The following EIF5B variants were observed in gnomAD, a reference collection of about 807,000 sequenced individuals.
EIF5B encodes the protein eIF-5B.
In EIF5B, 47 loss-of-function variants were observed where a neutral mutation model predicts 147.5. The observed-to-expected ratio is 0.32, with a 90% CI of 0.25 to 0.41. The LOEUF is 0.41. EIF5B is among the 10% of genes least tolerant of loss of function. EIF5B has a pLI of 1.00. For synonymous variants in EIF5B, 455 were observed against 456.2 expected (o/e 1.00, Z 0.03); for missense variants, 1,064 against 1,413.2 (o/e 0.75, Z 3.96).
At chr2:99,373,312 A>C (rs1221500716) in intron 9 of EIF5B, among the ~76,000 whole-genome samples, 1 of 152,154 alleles carries the variant, frequency 6.6e-6, no homozygotes, top group African/African-American at 2.4e-5. Context: ...GAGGCTGGGA[A>C]GTCCAAGATC....
intron 1 of EIF5B, among the ~76,000 whole-genome samples, chr2:99,349,947 TC>T (rs1360439837): frequency 6.6e-6 from 1 of 152,186 alleles, no homozygotes; most frequent in African/African-American, 2.4e-5. Flanking sequence ...TCCCTCTCCT[TC>T]CTACTCTTCC....
At chr2:99,372,881 G>A (rs1000821898) in intron 9 of EIF5B, among the ~76,000 whole-genome samples, 6 of 151,944 alleles carry the variant, frequency 3.9e-5, no homozygotes, top group East Asian at 1.9e-4. Flanking sequence ...CTTTCATAGC[G>A]TTCTGAGGGT....
chr2:99,346,773 C>A (rs547655841), intron 1 of EIF5B, among the ~76,000 whole-genome samples: 2 of 150,986 alleles, frequency 1.3e-5, no homozygotes, highest in African/African-American at 4.9e-5. Flanking sequence ...GGTTTCATCG[C>A]GTTAGCCAGG....
At chr2:99,388,012 T>C (rs1258641173) in intron 14 of EIF5B, among the ~76,000 whole-genome samples, 2 of 152,174 alleles carry the variant, frequency 1.3e-5, no homozygotes, top group Non-Finnish European at 2.9e-5. Context: ...TTTGTAGTTT[T>C]ATTGTCCACA....
At chr2:99,361,049 T>C in intron 3 of EIF5B, 99 bp from the exon 4 acceptor site, 1 of 1,136,616 alleles carries the variant, frequency 8.8e-7, no homozygotes, top group Admixed American at 3.5e-5. Context: ...GATTTTGAAA[T>C]CATTTTGAGA....
intron 9 of EIF5B, among the ~76,000 whole-genome samples, chr2:99,372,953 T>C (rs1283828890): frequency 6.6e-6 from 1 of 152,118 alleles, no homozygotes; most frequent in Non-Finnish European, 1.5e-5. Flanking sequence ...CTGGGACCAA[T>C]GCCTTAAAAT....
intron 14 of EIF5B, among the ~76,000 whole-genome samples, chr2:99,386,717 G>A (rs1044323438): frequency 6.6e-6 from 1 of 151,090 alleles, no homozygotes; most frequent in African/African-American, 2.4e-5. Context: ...CTGGGGGGCG[G>A]GGGGGCGGTG....
intron 1 of EIF5B, among the ~76,000 whole-genome samples, chr2:99,355,381 G>T (rs912968741): frequency 1.3e-5 from 2 of 151,962 alleles, no homozygotes; most frequent in African/African-American, 4.8e-5. Flanking sequence ...TCATTTTAGG[G>T]CTGATTGTCA....
intron 7 of EIF5B, 41 bp from the exon 8 acceptor site, chr2:99,369,351 C>T (rs762651773): frequency 8.6e-6 from 13 of 1,508,186 alleles, no homozygotes; most frequent in Non-Finnish European, 1.2e-5. Context: ...AGAAATTATA[C>T]ACCAAAAAAA....
At chr2:99,346,408 T>G (rs1419427400) in intron 1 of EIF5B, among the ~76,000 whole-genome samples, 1 of 152,060 alleles carries the variant, frequency 6.6e-6, no homozygotes, top group East Asian at 1.9e-4. Flanking sequence ...TTATTAGTAA[T>G]TATTAGTTTG....
At chr2:99,365,337 C>T (rs997633655) in intron 6 of EIF5B, among the ~76,000 whole-genome samples, 2 of 152,088 alleles carry the variant, frequency 1.3e-5, no homozygotes, top group Non-Finnish European at 2.9e-5. Flanking sequence ...TTACCCAAGG[C>T]CACAGAGCTG....
At chr2:99,389,469 C>T (rs1674878539) in intron 14 of EIF5B, 1 of 260,354 alleles carries the variant, frequency 3.8e-6, no homozygotes, top group Non-Finnish European at 7.2e-6. Context: ...TTATCTTTTG[C>T]AAACAAATGG....
rs563364989 is a variant in EIF5B, at chr2:99,396,843, C to T, written c.3338C>T (p.Thr1113Met). The T allele has an allele frequency of 1.4e-5, 22 of 1,612,804 alleles. No homozygotes were observed. The highest frequency in any genetic ancestry group is 1.7e-4 in the Middle Eastern group (1 of 6,052). Residue 1113 changes from threonine to methionine, a missense_variant, in exon 22 of 24, where the codon ACG becomes ATG. By Grantham distance (81) the Thr-to-Met change is moderately conservative. This residue lies in a region of EIF5B where 380 missense variants were observed against 715.6 expected (regional missense o/e 0.53). Transcript: ENST00000289371. ...CGAGATCCGATAGTGATGGGGGTGA[C>T]GGTGGAAGCAGGTCAGGTGAAACAG... ...NSRDPIVMGV[T>M]VEAGQVKQGT...
In EIF5B at chr2:99,390,628, C is replaced by G; in HGVS notation, c.2671C>G (p.Pro891Ala). 6.2e-7 allele frequency: 1 copy of G among 1,613,036 alleles called. No homozygotes were observed. The highest frequency in any genetic ancestry group is 8.5e-7 in the Non-Finnish European group (1 of 1,179,200). ...RLKEGDTIIV[P>A]GVEGPIVTQI... is the part of the protein sequence containing the mutation. ...GAAGGAAGGAGATACAATCATTGTT[C>G]CTGGAGTAGAAGGGCCCATTGTAAC... The change falls in exon 17 of 24, where the codon CCT becomes GCT. Residue 891 changes from proline to alanine, a missense_variant. Transcript: ENST00000289371.
intron 4 of EIF5B, among the ~76,000 whole-genome samples, chr2:99,363,194 A>T (rs1433312805): frequency 6.6e-6 from 1 of 152,124 alleles, no homozygotes; most frequent in Non-Finnish European, 1.5e-5. Context: ...TCCTACTAAT[A>T]CCCCCTAAAG....
At chr2:99,379,227 C>T (rs1022393796) in intron 11 of EIF5B, 91 bp from the exon 12 acceptor site, 5 of 1,417,884 alleles carry the variant, frequency 3.5e-6, no homozygotes, top group Non-Finnish European at 4.8e-6. Context: ...AGCAATTCTG[C>T]TTACAATAAA....
intron 11 of EIF5B, 57 bp downstream of exon 11, chr2:99,379,183 T>TAA: frequency 2.7e-6 from 4 of 1,465,350 alleles, no homozygotes; most frequent in Non-Finnish European, 3.7e-6. Context: ...TGGTACCTTA[T>TAA]AAAAAAAAAC....
chr2:99,372,487 C>T (rs890821946), intron 9 of EIF5B, among the ~76,000 whole-genome samples: 1 of 152,092 alleles, frequency 6.6e-6, no homozygotes, highest in African/African-American at 2.4e-5. Flanking sequence ...TACAGGCATG[C>T]GCCACCACGC....
chr2:99,338,971 T>C lies in EIF5B; in HGVS notation c.35+1382T>C, dbSNP rs932452793. On this transcript the variant is annotated intron_variant, in intron 1 of 23. Transcript: ENST00000289371. ...ATATACACACATATATATAAATATA[T>C]ATATATACAAATATATACACAAATA... 5.2e-3 allele frequency among the ~76,000 whole-genome samples: 748 copies of C among 144,642 alleles called. 2 individuals are homozygous for C. The highest frequency in any genetic ancestry group is 7.5e-3 in the Non-Finnish European group (497 of 65,920). The allele number at this position is 144,642 out of a possible 152,430, so 94.9% of individuals were successfully genotyped here. A position where few individuals can be genotyped will look rare whatever the true frequency, so the allele number is the denominator to read the frequency against.
Sources: gnomAD v4.1 joint callset for allele counts (sites outside exome capture counted in the v4.1 genomes callset) on GRCh38, gnomAD v4.1.1 for gene constraint, gnomAD v4.1.1 regional missense constraint, MANE v1.5 for transcripts, NCBI Gene and HGNC (gene_info 2026-07-23, HGNC 2026-07-21) for gene names.